Variants in BMP10 observed in about 807,000 individuals in gnomAD.
BMP10 encodes bone morphogenetic protein 10.
BMP10 carries 9 observed loss-of-function variants against 29.9 expected under a neutral mutation model. The observed-to-expected ratio is 0.30, with a 90% confidence interval of 0.18 to 0.53. The LOEUF (loss-of-function observed/expected upper bound fraction) is 0.53, where lower values mean the gene tolerates loss of function less well. BMP10 is among the 20% of genes least tolerant of loss of function. The pLI is 0.96. For synonymous variants in BMP10, 202 were observed against 200.2 expected, an observed-to-expected ratio of 1.01 and a Z score of -0.07; for missense variants, 474 against 524.3, an observed-to-expected ratio of 0.90 and a Z score of 0.94.
At position 68,865,611 on chromosome 2, in the gene BMP10, T is replaced by C; in HGVS notation, c.*20A>G. The C allele has an allele frequency of 1.3e-6, 2 of 1,591,248 alleles. No homozygotes were observed. ...AATATACACATTTACAGTTATTAAATAAGCCATAGGACTCTTCTTCTATCT... is the reference window on the plus strand; with the variant it reads ...AATATACACATTTACAGTTATTAAACAAGCCATAGGACTCTTCTTCTATCT... On this transcript the variant is annotated 3_prime_UTR_variant, in exon 2 of 2. Transcript: ENST00000295379. This position sits in a 1 kb window ranked among gnomAD's most constrained non-coding sequence, Gnocchi z 4.7.
intron 1 of BMP10, among the ~76,000 whole-genome samples, chr2:68,869,438 G>A (rs182896637): frequency 1.8e-4 from 27 of 152,290 alleles, no homozygotes; most frequent in East Asian, 9.6e-4. Flanking sequence ...AGGTGCTGGC[G>A]GCTGGGTTGT....
chr2:68,870,730 C>A (rs3817368), intron 1 of BMP10, among the ~76,000 whole-genome samples: 100,027 of 152,008 alleles, frequency 0.66, 33,209 homozygotes, highest in East Asian at 0.75. Context: ...AACATTAATT[C>A]TTTGTATTAC....
rs1682949070 is a variant in BMP10 at position 68,866,087 on chromosome 2, C to A, written c.819G>T (p.Met273Ile). ...GCTCTGGAAGTTGCTCATGGGAAATCATTTCATTCAGTTCCTCCTTCCTCT... is the reference window on the plus strand; with the variant it reads ...GCTCTGGAAGTTGCTCATGGGAAATAATTTCATTCAGTTCCTCCTTCCTCT... ...DKERKEELNE[M>I]ISHEQLPELD... Residue 273 changes from methionine to isoleucine, a missense_variant, in exon 2 of 2, where the codon ATG (methionine) becomes ATT (isoleucine). By Grantham distance (10) the Met-to-Ile change is conservative. Transcript: ENST00000295379. 6.2e-7 allele frequency: 1 copy of A among 1,613,978 alleles called. No homozygotes were observed. The highest frequency in any genetic ancestry group is 8.5e-7 in the Non-Finnish European group (1 of 1,179,992).
Position 68,871,241 on chromosome 2 carries a change from C to T in BMP10, c.118G>A (p.Gly40Ser). 6.2e-7 allele frequency: 1 copy of T among 1,614,104 alleles called. No individual in the cohort carries two copies. The highest frequency in any genetic ancestry group is 8.5e-7 in the Non-Finnish European group (1 of 1,179,994). The part of the protein sequence containing the change: ...SPLEEDMSLF[G>S]DVFSEQDGVD... Reference sequence around the variant, plus strand: ...CCGTCTTGCTCTGAGAAAACATCACCAAAGAGGGACATATCTTCTTCCAGA... The same window carrying T: ...CCGTCTTGCTCTGAGAAAACATCACTAAAGAGGGACATATCTTCTTCCAGA... The change falls in exon 1 of 2, where the codon GGT becomes AGT. Residue 40 changes from glycine (G) to serine (S), a missense_variant. This residue lies in a region of BMP10 where 408 missense variants were observed against 415.3 expected (regional missense o/e 0.98). Transcript: ENST00000295379.
chr2:68,870,872 A>T (rs923219582), intron 1 of BMP10, among the ~76,000 whole-genome samples, 153 bp downstream of exon 1: 2 of 152,246 alleles, frequency 1.3e-5, no homozygotes, highest in African/African-American at 4.8e-5. Flanking sequence ...TAATTGGTAT[A>T]GAACAAAATG....
chr2:68,869,053 A>G (rs975900587), intron 1 of BMP10, among the ~76,000 whole-genome samples: 33 of 152,228 alleles, frequency 2.2e-4, no homozygotes, highest in Admixed American at 1.2e-3. Context: ...GTTACATTTC[A>G]GGGCAAGAGA....
intron 1 of BMP10, 45 bp from the exon 2 acceptor site, chr2:68,866,616 G>A: frequency 6.8e-7 from 1 of 1,464,658 alleles, no homozygotes; most frequent in East Asian, 2.3e-5. Flanking sequence ...GTGGGTCTCA[G>A]GGAAAAACAG....
chr2:68,862,737 G>A lies in BMP10; in HGVS notation c.*2894C>T, dbSNP rs1464221742. Among the ~76,000 whole-genome samples the A allele has an allele frequency of 6.6e-6, 1 of 152,164 alleles. No individual in the cohort carries two copies. Among genetic ancestry groups the A allele is most frequent in the African/African-American group, 2.4e-5 (1 of 41,444 alleles). ...GAGTTGAAAGTGACACCGGTGTGCT[G>A]CCGGGGTTCCGGTGGGAGCTGGGAG... On this transcript the variant is annotated 3_prime_UTR_variant, in exon 2 of 2. Transcript: ENST00000295379.
Position 68,866,163 on chromosome 2 carries a change from T to G in BMP10, c.743A>C (p.Lys248Thr). The G allele has an allele frequency of 2.5e-6, 4 of 1,614,062 alleles. No homozygotes were observed. The highest frequency in any genetic ancestry group is 3.4e-6 in the Non-Finnish European group (4 of 1,179,970). ...RLEIDTSAQN[K>T]HNPLLIVFSD... Reference sequence around the variant, plus strand: ...AAACACGATGAGCAAAGGGTTATGCTTATTCTGGGCACTGGTATCTATTTC... The same window carrying G: ...AAACACGATGAGCAAAGGGTTATGCGTATTCTGGGCACTGGTATCTATTTC... The change falls in exon 2 of 2, where the codon AAG becomes ACG. Residue 248 changes from lysine (K) to threonine (T), a missense_variant. Around this residue, in one of 2 missense-constraint regions of BMP10, gnomAD observed 408 missense variants for 415.3 expected, o/e 0.98. Transcript: ENST00000295379.
In BMP10 at chr2:68,863,657, C is replaced by G. The variant is rs114808422; in HGVS notation, c.*1974G>C. On this transcript the variant is annotated 3_prime_UTR_variant, in exon 2 of 2. Coordinates refer to ENST00000295379, the MANE Select transcript of BMP10 (RefSeq NM_014482.3). ...ATACCCACTGACGGTCAAAACACCACTCTTCCATGAGCAATGAATTCCCCA... is the reference window on the plus strand; with the variant it reads ...ATACCCACTGACGGTCAAAACACCAGTCTTCCATGAGCAATGAATTCCCCA... Among the ~76,000 whole-genome samples, 2,304 of 152,296 alleles carry G rather than the reference C, an allele frequency of 0.015. 58 individuals carry two copies. Among genetic ancestry groups the G allele is most frequent in the African/African-American group, 0.052 (2,167 of 41,562 alleles).
At position 68,862,111 on chromosome 2, in the gene BMP10, A is replaced by G. The variant is rs915332159; in HGVS notation, c.*3520T>C. Among the ~76,000 whole-genome samples, 5 of 152,196 alleles carry G rather than the reference A, an allele frequency of 3.3e-5. No homozygotes were observed. Among genetic ancestry groups the G allele is most frequent in the Non-Finnish European group, 5.9e-5 (4 of 68,026 alleles). Reference sequence around the variant, plus strand: ...TGACAATATTTGCTTCTCATGATAAACTGACAACATCACTTTATGAAACTG... The same window carrying G: ...TGACAATATTTGCTTCTCATGATAAGCTGACAACATCACTTTATGAAACTG... On this transcript the variant is annotated 3_prime_UTR_variant, in exon 2 of 2. Coordinates refer to ENST00000295379, the MANE Select transcript of BMP10 (RefSeq NM_014482.3).
In BMP10 at chr2:68,866,291, A is replaced by G; in HGVS notation, c.615T>C (p.Asp205=). The G allele has an allele frequency of 6.2e-7, 1 of 1,614,038 alleles. No homozygotes were observed. The highest frequency in any genetic ancestry group is 8.5e-7 in the Non-Finnish European group (1 of 1,179,992). The change falls in exon 2 of 2, where the codon GAT becomes GAC. Residue 205 remains aspartate, a synonymous_variant. Transcript: ENST00000295379. ...NSEWETFDVT[D]AIRRWQKSGS... Reference sequence around the variant, plus strand: ...CTGACTTTTGCCAACGTCTGATGGCATCTGTGACATCAAAAGTCTCCCACT... The same window carrying G: ...CTGACTTTTGCCAACGTCTGATGGCGTCTGTGACATCAAAAGTCTCCCACT...
Position 68,861,917 on chromosome 2 carries a change from A to T in BMP10, c.*3714T>A, listed in dbSNP as rs1261916429. On this transcript the variant is annotated 3_prime_UTR_variant, in exon 2 of 2. Transcript: ENST00000295379. The stretch of plus-strand genomic sequence containing the variant: ...CTAAGCTAACATTTTTGACATTTAC[A>T]AAGTAATTGGTCCAATTACAAATGA... 6.6e-6 allele frequency among the ~76,000 whole-genome samples: 1 copy of T among 152,238 alleles called. No individual in the cohort carries two copies. Among genetic ancestry groups the T allele is most frequent in the Non-Finnish European group, 1.5e-5 (1 of 68,042 alleles).
chr2:68,867,097 C>T (rs148195331), intron 1 of BMP10, among the ~76,000 whole-genome samples: 1 of 152,268 alleles, frequency 6.6e-6, no homozygotes, highest in Non-Finnish European at 1.5e-5. Flanking sequence ...GGTTGGTAAA[C>T]TATAGCCTAT....
In BMP10 at chr2:68,863,765, T is replaced by C. The variant is rs1682903385; in HGVS notation, c.*1866A>G. On this transcript the variant is annotated 3_prime_UTR_variant, in exon 2 of 2. Transcript: ENST00000295379. ...AAAATAGTTTTCCTTGCCTCTATTG[T>C]CTAGTGCAGTTTGAGTTTATAACCT... 6.6e-6 allele frequency among the ~76,000 whole-genome samples: 1 copy of C among 152,208 alleles called. No homozygotes were observed. Among genetic ancestry groups the C allele is most frequent in the Non-Finnish European group, 1.5e-5 (1 of 68,032 alleles).
chr2:68,867,696 G>A (rs1411225556), intron 1 of BMP10, among the ~76,000 whole-genome samples: 1 of 152,076 alleles, frequency 6.6e-6, no homozygotes, highest in Non-Finnish European at 1.5e-5. Flanking sequence ...CACCGAAGAT[G>A]CTAAGGACCA....
chr2:68,867,399 A>T (rs1682984779), intron 1 of BMP10, among the ~76,000 whole-genome samples: 1 of 152,202 alleles, frequency 6.6e-6, no homozygotes, highest in Non-Finnish European at 1.5e-5. Flanking sequence ...GGTTCTCTAT[A>T]AAGAGGAATG....
In BMP10 at chr2:68,861,061, A is replaced by AT. The variant is rs1284227646; in HGVS notation, c.*4569dup. On this transcript the variant is annotated 3_prime_UTR_variant, in exon 2 of 2. Transcript: ENST00000295379. ...GCTGCAAATAATTATCACCAAAATA[A>AT]TTTTTTTATTTTACTTAAAAAGACT... Among the ~76,000 whole-genome samples the AT allele has an allele frequency of 6.6e-6, 1 of 152,190 alleles. No homozygotes were observed. Among genetic ancestry groups the AT allele is most frequent in the Non-Finnish European group, 1.5e-5 (1 of 68,024 alleles).
intron 1 of BMP10, among the ~76,000 whole-genome samples, chr2:68,867,838 C>T (rs973769755): frequency 3.9e-5 from 6 of 152,066 alleles, no homozygotes; most frequent in Non-Finnish European, 7.4e-5. Context: ...TTATTTTATA[C>T]TTATTATCTA....
Sources: allele counts gnomAD v4.1 joint callset (sites outside exome capture counted in the v4.1 genomes callset), GRCh38; gene constraint gnomAD v4.1.1; regional missense constraint gnomAD v4.1.1; non-coding constraint Gnocchi (gnomAD v3.1); transcripts MANE v1.5; gene names NCBI Gene and HGNC (gene_info 2026-07-23, HGNC 2026-07-21).